Variants in PROM1 observed in about 807,000 individuals in gnomAD.
The protein encoded by PROM1 is prominin 1.
In PROM1, 105 loss-of-function variants were observed where a neutral mutation model predicts 116.9. The observed-to-expected ratio is 0.90, with a 90% CI of 0.77 to 1.06. The LOEUF (loss-of-function observed/expected upper bound fraction) is 1.06. Ranked by LOEUF, PROM1 falls within the 50% of genes least tolerant of loss-of-function variation. The pLI is 0.00. For synonymous variants in PROM1, 393 were observed against 387.0 expected (o/e 1.02, Z -0.18); for missense variants, 1,122 against 1,045.2 (o/e 1.07, Z -1.01).
intron 12 of PROM1, 43 bp from the exon 13 acceptor site, chr4:16,006,733 C>G: frequency 6.3e-7 from 1 of 1,591,896 alleles, no homozygotes; most frequent in Non-Finnish European, 8.6e-7. Flanking sequence ...ACACAGGTGA[C>G]GCCACCCTAA....
intron 25 of PROM1, among the ~76,000 whole-genome samples, 177 bp downstream of exon 25, chr4:15,979,704 G>C (rs1402514138): frequency 6.6e-6 from 1 of 152,092 alleles, no homozygotes; most frequent in African/African-American, 2.4e-5. Flanking sequence ...TATTTCTTGA[G>C]CACCCTCTAT....
chr4:16,001,529 G>A (rs968663429), intron 13 of PROM1, among the ~76,000 whole-genome samples: 2 of 152,134 alleles, frequency 1.3e-5, no homozygotes, highest in East Asian at 3.9e-4. Flanking sequence ...AGACCAAGAT[G>A]ATGAGGCAGA....
rs568745164 is a variant in PROM1, at chr4:16,004,182, C to T, written c.1454+2356G>A. Among the ~76,000 whole-genome samples, 242 of 152,302 alleles carry T rather than the reference C, an allele frequency of 1.6e-3. 1 individual carries two copies. Among genetic ancestry groups the T allele is most frequent in the African/African-American group, 5.7e-3 (238 of 41,568 alleles). Reference sequence around the variant, plus strand: ...GCCAAGCACAGCAAAGCGTGCCATGCTGACTGGTTGCATTCAACAATAAAG... The same window carrying T: ...GCCAAGCACAGCAAAGCGTGCCATGTTGACTGGTTGCATTCAACAATAAAG... On this transcript the variant is annotated intron_variant, in intron 13 of 27. Coordinates refer to ENST00000447510, the MANE Select transcript of PROM1 (RefSeq NM_006017.3).
At chr4:16,050,174 T>A (rs1737534065) in intron 2 of PROM1, among the ~76,000 whole-genome samples, 1 of 150,346 alleles carries the variant, frequency 6.7e-6, no homozygotes, top group Non-Finnish European at 1.5e-5. Context: ...GGCAGGAGAA[T>A]CCCTTGAACC....
At chr4:16,026,287 G>A (rs757194395) in intron 5 of PROM1, among the ~76,000 whole-genome samples, 19 of 151,920 alleles carry the variant, frequency 1.3e-4, no homozygotes, top group Non-Finnish European at 2.6e-4. Context: ...TGACCAATTG[G>A]CCTGTTTTTG....
rs907107061 is a variant in PROM1 at position 16,080,822 on chromosome 4, G to C, written c.-213+3156C>G. 5 of 152,350 alleles carry C rather than the reference G, an allele frequency of 3.3e-5. No homozygotes were observed. In the East Asian group the frequency reaches 7.7e-4, roughly 24 times the overall value. The allele number at this position is 152,350 out of a possible 1,614,324, so 9.4% of individuals were successfully genotyped here. A position where few individuals can be genotyped will look rare whatever the true frequency, so the allele number is the denominator to read the frequency against. ...GAAGCTTTCTTCTGGGCCTGGGCCT[G>C]CGCACTCTGAAGCAGGACAGTATCT... On this transcript the variant is annotated intron_variant, in intron 1 of 27. Coordinates refer to ENST00000447510, the MANE Select transcript of PROM1 (RefSeq NM_006017.3).
intron 26 of PROM1, among the ~76,000 whole-genome samples, chr4:15,978,096 C>T (rs938291113): frequency 2.8e-4 from 42 of 152,290 alleles, no homozygotes; most frequent in African/African-American, 9.9e-4. Flanking sequence ...GAGGATTTGG[C>T]AAGACAACGC....
chr4:16,038,401 T>C (rs552142457), intron 3 of PROM1, among the ~76,000 whole-genome samples: 1 of 152,306 alleles, frequency 6.6e-6, no homozygotes, highest in South Asian at 2.1e-4. Flanking sequence ...TTTTTATTTA[T>C]TTATTTGTTT....
rs113004461 is a variant in PROM1 at position 15,977,194 on chromosome 4, C to CGTCT, written c.2582+2200_2582+2201insAGAC. On this transcript the variant is annotated intron_variant, in intron 26 of 27. Coordinates refer to ENST00000447510, the MANE Select transcript of PROM1 (RefSeq NM_006017.3). Reference sequence around the variant, plus strand: ...CTGTGGCAGCCTCCACCCAGGCTTGCATCTCTCTCTCTAGCATCTTCCAGG... The same window carrying CGTCT: ...CTGTGGCAGCCTCCACCCAGGCTTGCGTCTATCTCTCTCTCTAGCATCTTCCAGG... Among the ~76,000 whole-genome samples, 6 of 151,898 alleles carry CGTCT rather than the reference C, an allele frequency of 4.0e-5. No individual in the cohort carries two copies. In the South Asian group the frequency reaches 6.2e-4, roughly 16 times the overall value.
chr4:16,041,297 T>A (rs1439719330), intron 2 of PROM1, among the ~76,000 whole-genome samples: 1 of 152,210 alleles, frequency 6.6e-6, no homozygotes, highest in East Asian at 1.9e-4. Flanking sequence ...GCATTAAAAA[T>A]TATTTTTATT....
intron 2 of PROM1, among the ~76,000 whole-genome samples, chr4:16,048,449 T>A (rs1360265045): frequency 1.3e-5 from 2 of 152,308 alleles, no homozygotes; most frequent in East Asian, 1.9e-4. Flanking sequence ...ACTGTTCAGT[T>A]TGGTTTTTGA....
intron 3 of PROM1, among the ~76,000 whole-genome samples, chr4:16,038,424 A>T (rs1734422166): frequency 6.6e-6 from 1 of 152,178 alleles, no homozygotes; most frequent in African/African-American, 2.4e-5. Flanking sequence ...TTATTTTGAG[A>T]TGGAGTCTCA....
intron 18 of PROM1, among the ~76,000 whole-genome samples, chr4:15,990,356 G>C (rs990963253): frequency 6.6e-6 from 1 of 152,134 alleles, no homozygotes; most frequent in Non-Finnish European, 1.5e-5. Context: ...CTTCTTGGAC[G>C]GGGCCAGTTA....
At chr4:15,979,832 C>A in intron 25 of PROM1, 49 bp downstream of exon 25, 1 of 1,403,002 alleles carries the variant, frequency 7.1e-7, no homozygotes, top group South Asian at 1.3e-5. Flanking sequence ...ATAATAATAT[C>A]AACCTCCCCC....
At chr4:16,033,119 G>A (rs1417701081) in intron 5 of PROM1, among the ~76,000 whole-genome samples, 185 bp downstream of exon 5, 2 of 152,092 alleles carry the variant, frequency 1.3e-5, no homozygotes, top group African/African-American at 2.4e-5. Context: ...GCTAATGTCT[G>A]ATGATAATGA....
chr4:15,980,937 T>C (rs907321414), intron 23 of PROM1, among the ~76,000 whole-genome samples: 1 of 108,362 alleles, frequency 9.2e-6, no homozygotes, highest in African/African-American at 3.3e-5. Context: ...TCAGTCCCTC[T>C]TATGAGTTGT....
intron 10 of PROM1, among the ~76,000 whole-genome samples, chr4:16,015,177 C>T (rs1331672509): frequency 6.6e-6 from 1 of 151,430 alleles, no homozygotes; most frequent in Non-Finnish European, 1.5e-5. Flanking sequence ...AAAACCCCAT[C>T]TCTACTAAAA....
intron 2 of PROM1, among the ~76,000 whole-genome samples, chr4:16,066,197 C>T (rs979847708): frequency 2.6e-5 from 4 of 152,114 alleles, no homozygotes; most frequent in Admixed American, 1.3e-4. Context: ...GTTATGGTTG[C>T]CCTAGGAAAC....
At chr4:16,073,185 C>T (rs1743188048) in intron 2 of PROM1, among the ~76,000 whole-genome samples, 1 of 152,080 alleles carries the variant, frequency 6.6e-6, no homozygotes, top group African/African-American at 2.4e-5. Flanking sequence ...GCCAGTTGCA[C>T]GCTTTCAAAT....
Sources: allele counts gnomAD v4.1 joint callset (sites outside exome capture counted in the v4.1 genomes callset), GRCh38; gene constraint gnomAD v4.1.1; transcripts MANE v1.5; gene names NCBI Gene and HGNC (gene_info 2026-07-23, HGNC 2026-07-21).